Variants in DPY19L3 observed in about 807,000 individuals in gnomAD.
DPY19L3 encodes dpy-19 like C-mannosyltransferase 3, also known as protein C-mannosyl-transferase DPY19L3.
A neutral mutation model predicts 92.3 loss-of-function variants in DPY19L3; 51 were observed. That is an observed-to-expected ratio of 0.55 (90% CI 0.44 to 0.70). The LOEUF (loss-of-function observed/expected upper bound fraction) is 0.70, where lower values mean the gene tolerates loss of function less well. DPY19L3 is among the 30% of genes least tolerant of loss of function. The pLI is 0.00. For synonymous variants in DPY19L3, 309 were observed against 315.2 expected (o/e 0.98, Z 0.21); for missense variants, 706 against 855.9 (o/e 0.82, Z 2.18).
chr19:32,466,827 C>T (rs974864787), intron 15 of DPY19L3, among the ~76,000 whole-genome samples: 7 of 152,198 alleles, frequency 4.6e-5, no homozygotes, highest in African/African-American at 1.7e-4. Context: ...GATATTTCAT[C>T]TCCACAAAAC....
intron 1 of DPY19L3, 101 bp downstream of exon 1, chr19:32,406,010 C>G (rs899796593): frequency 1.3e-5 from 2 of 150,958 alleles, no homozygotes; most frequent in Non-Finnish European, 3.0e-5. Context: ...CTGGGGCCGC[C>G]CCTCCCCGCC....
At chr19:32,477,869 G>T (rs904887780) in intron 17 of DPY19L3, among the ~76,000 whole-genome samples, 4 of 152,200 alleles carry the variant, frequency 2.6e-5, no homozygotes, top group Admixed American at 2.6e-4. Flanking sequence ...CCACATGGCT[G>T]GGGAGGCCTC....
At chr19:32,414,900 G>A (rs561688494) in intron 3 of DPY19L3, among the ~76,000 whole-genome samples, 6 of 152,142 alleles carry the variant, frequency 3.9e-5, no homozygotes, top group Non-Finnish European at 8.8e-5. Flanking sequence ...CTTTCACTGG[G>A]TTAAGGAAGT....
At chr19:32,451,418 ATTATCT>A (rs1460980913) in intron 8 of DPY19L3, among the ~76,000 whole-genome samples, 12 of 152,160 alleles carry the variant, frequency 7.9e-5, no homozygotes, top group Admixed American at 2.0e-4. Context: ...AGTAAGATAC[ATTATCT>A]TTATGATCCT....
At chr19:32,466,839 T>C (rs1970217074) in intron 15 of DPY19L3, among the ~76,000 whole-genome samples, 1 of 152,296 alleles carries the variant, frequency 6.6e-6, no homozygotes, top group South Asian at 2.1e-4. Flanking sequence ...CCACAAAACT[T>C]ACATAAAATC....
At chr19:32,473,077 C>T (rs905138293) in intron 16 of DPY19L3, among the ~76,000 whole-genome samples, 4 of 152,148 alleles carry the variant, frequency 2.6e-5, no homozygotes, top group Non-Finnish European at 5.9e-5. Context: ...TCAGTTTCCC[C>T]ATTAGTTCAA....
intron 12 of DPY19L3, 72 bp from the exon 13 acceptor site, chr19:32,463,294 C>A: frequency 6.5e-7 from 1 of 1,529,432 alleles, no homozygotes; most frequent in South Asian, 1.2e-5. Context: ...TTTCTTGTAT[C>A]TTCTTCTTTT....
Position 32,454,475 on chromosome 19 carries a change from G to A in DPY19L3, c.988-464G>A, listed in dbSNP as rs141609486. Among the ~76,000 whole-genome samples the A allele has an allele frequency of 6.4e-3, 982 of 152,298 alleles. 11 individuals are homozygous for A. Among genetic ancestry groups the A allele is most frequent in the African/African-American group, 0.023 (942 of 41,562 alleles). Reference sequence around the variant, plus strand: ...TGTAGTCCCAGCTACTCGGGAGGCTGAGGCAGGAGAATGGCATGAACCCAG... The same window carrying A: ...TGTAGTCCCAGCTACTCGGGAGGCTAAGGCAGGAGAATGGCATGAACCCAG... On this transcript the variant is annotated intron_variant, in intron 9 of 18. Coordinates refer to ENST00000392250, the MANE Select transcript of DPY19L3 (RefSeq NM_001172774.2).
In DPY19L3 at chr19:32,467,911, C is replaced by G. The variant is rs1019020176; in HGVS notation, c.1615-820C>G. The G allele has an allele frequency of 8.1e-6, 8 of 985,194 alleles. No homozygotes were observed. In the African/African-American group the frequency reaches 1.4e-4, roughly 17 times the overall value. 61.0% of individuals were successfully genotyped at this position (985,194 alleles called of 1,614,324 possible). ...TTTTATTTAGAAAACCTTAAGTACT[C>G]AAGTTGACCAGGAGGCACCAAGTGG... On this transcript the variant is annotated intron_variant, in intron 15 of 18. Coordinates refer to ENST00000392250, the MANE Select transcript of DPY19L3 (RefSeq NM_001172774.2).
At chr19:32,433,410 TAA>T (rs1344720611) in intron 4 of DPY19L3, among the ~76,000 whole-genome samples, 1 of 152,158 alleles carries the variant, frequency 6.6e-6, no homozygotes, top group Non-Finnish European at 1.5e-5. Context: ...CAGTTATTCA[TAA>T]ATTATTTTTT....
intron 6 of DPY19L3, 121 bp downstream of exon 6, chr19:32,437,460 T>C (rs1275929075): frequency 2.6e-6 from 3 of 1,152,766 alleles, no homozygotes; most frequent in Non-Finnish European, 3.6e-6. Flanking sequence ...AGTTTCTCTT[T>C]GGTTTGCCTG....
intron 3 of DPY19L3, among the ~76,000 whole-genome samples, chr19:32,419,127 T>A (rs948102635): frequency 6.6e-6 from 1 of 152,076 alleles, no homozygotes; most frequent in African/African-American, 2.4e-5. Flanking sequence ...TGGAACTATT[T>A]GGGGGCATTT....
At chr19:32,482,004 C>A in intron 18 of DPY19L3, 75 bp from the exon 19 acceptor site, 1 of 1,512,040 alleles carries the variant, frequency 6.6e-7, no homozygotes, top group Non-Finnish European at 9.0e-7. Context: ...AAACCCAATA[C>A]CCATTCCTGC....
At chr19:32,420,950 A>G (rs1968548206) in intron 3 of DPY19L3, among the ~76,000 whole-genome samples, 1 of 152,042 alleles carries the variant, frequency 6.6e-6, no homozygotes, top group Admixed American at 6.6e-5. Context: ...GTGCCTAAAT[A>G]TTTTACTTAT....
At chr19:32,417,982 C>T (rs923740942) in intron 3 of DPY19L3, among the ~76,000 whole-genome samples, 4 of 152,064 alleles carry the variant, frequency 2.6e-5, no homozygotes, top group African/African-American at 4.8e-5. Flanking sequence ...GCTAGACTTA[C>T]GGGGCTGAAG....
At chr19:32,415,802 A>C (rs1385128537) in intron 3 of DPY19L3, among the ~76,000 whole-genome samples, 2 of 152,200 alleles carry the variant, frequency 1.3e-5, no homozygotes, top group African/African-American at 4.8e-5. Context: ...CATAGAACTT[A>C]ATTATGATGA....
chr19:32,456,642 C>G (rs1021911004), intron 10 of DPY19L3, among the ~76,000 whole-genome samples: 1 of 151,896 alleles, frequency 6.6e-6, no homozygotes, highest in Non-Finnish European at 1.5e-5. Context: ...TCATGTTGCC[C>G]AGGCTGGTCT....
chr19:32,442,599 C>T (rs1969359185), intron 8 of DPY19L3, among the ~76,000 whole-genome samples: 1 of 152,164 alleles, frequency 6.6e-6, no homozygotes, highest in Admixed American at 6.5e-5. Context: ...CAGCGAGTTT[C>T]TTGGGTTTTC....
At chr19:32,432,211 A>G (rs1261239927) in intron 3 of DPY19L3, among the ~76,000 whole-genome samples, 1 of 152,202 alleles carries the variant, frequency 6.6e-6, no homozygotes, top group African/African-American at 2.4e-5. Context: ...CTTATCTAAA[A>G]GCAGTTTAAA....
Sources: gnomAD v4.1 joint callset for allele counts (sites outside exome capture counted in the v4.1 genomes callset) on GRCh38, gnomAD v4.1.1 for gene constraint, MANE v1.5 for transcripts, NCBI Gene and HGNC (gene_info 2026-07-23, HGNC 2026-07-21) for gene names.